The following PTPRT variants were observed in gnomAD, a reference collection of about 807,000 sequenced individuals.
The protein encoded by PTPRT is protein tyrosine phosphatase receptor type T.
PTPRT carries 56 observed loss-of-function variants against 176.8 expected under a neutral mutation model. The observed-to-expected ratio is 0.32, with a 90% CI of 0.26 to 0.40. The LOEUF (loss-of-function observed/expected upper bound fraction) is 0.40, where lower values mean the gene tolerates loss of function less well. PTPRT is among the 10% of genes least tolerant of loss of function. The pLI, the probability that PTPRT is intolerant of heterozygous loss-of-function variation, is 1.00. For missense variants in PTPRT, 1,540 were observed against 1,908.2 expected (o/e 0.81, Z 3.60); for synonymous variants, 783 against 739.0 (o/e 1.06, Z -0.96).
At chr20:42,255,879 C>T (rs557788733) in intron 13 of PTPRT, among the ~76,000 whole-genome samples, 2 of 152,332 alleles carry the variant, frequency 1.3e-5, no homozygotes, top group South Asian at 4.1e-4. Flanking sequence ...GACACTATTC[C>T]TAAAAACTGC....
chr20:43,129,288 G>C (rs140600122), intron 1 of PTPRT, among the ~76,000 whole-genome samples: 5,339 of 152,260 alleles, frequency 0.035, 140 homozygotes, highest in Admixed American at 0.059. Context: ...ACCACCGCCT[G>C]TGATCCTTCA....
intron 8 of PTPRT, among the ~76,000 whole-genome samples, chr20:42,472,030 A>G (rs1205318957): frequency 6.6e-6 from 1 of 152,192 alleles, no homozygotes; most frequent in African/African-American, 2.4e-5. Context: ...TGGGGGTACA[A>G]AAGGGCCAAA....
intron 6 of PTPRT, among the ~76,000 whole-genome samples, chr20:42,709,229 T>A (rs552784193): frequency 1.3e-5 from 2 of 152,324 alleles, no homozygotes; most frequent in South Asian, 4.1e-4. Context: ...TGCTCTATCA[T>A]CTTGCAGTGT....
chr20:43,099,660 G>A (rs1490651054), intron 1 of PTPRT, among the ~76,000 whole-genome samples: 4 of 152,012 alleles, frequency 2.6e-5, no homozygotes, highest in East Asian at 3.9e-4. Flanking sequence ...CAGCACCTCC[G>A]GGTCTCTGCT....
chr20:43,010,665 AC>A (rs1291844794), intron 1 of PTPRT, among the ~76,000 whole-genome samples: 1 of 151,972 alleles, frequency 6.6e-6, no homozygotes, highest in Non-Finnish European at 1.5e-5. Flanking sequence ...TTATCATTGA[AC>A]TTTGTTTTAA....
intron 1 of PTPRT, among the ~76,000 whole-genome samples, chr20:43,107,921 G>A (rs75450613): frequency 0.024 from 3,592 of 152,290 alleles, 157 homozygotes; most frequent in African/African-American, 0.082. Context: ...TTATTCTTCC[G>A]TGTAGGGAAT....
At chr20:43,005,614 G>A (rs1984812441) in intron 1 of PTPRT, among the ~76,000 whole-genome samples, 1 of 152,158 alleles carries the variant, frequency 6.6e-6, no homozygotes, top group Admixed American at 6.5e-5. Flanking sequence ...TATTCACTGT[G>A]TGTCTCCTTC....
chr20:42,590,796 ATAT>A (rs1171296465), intron 7 of PTPRT, among the ~76,000 whole-genome samples: 2 of 152,336 alleles, frequency 1.3e-5, no homozygotes, highest in Middle Eastern at 3.4e-3. Context: ...ACTTAAAAAC[ATAT>A]TATAAAACCT....
chr20:42,591,494 G>T (rs1023639102), intron 7 of PTPRT, among the ~76,000 whole-genome samples: 1 of 152,120 alleles, frequency 6.6e-6, no homozygotes, highest in African/African-American at 2.4e-5. Flanking sequence ...GTTTAATCTT[G>T]ACTCAGTTAT....
chr20:42,129,272 T>C (rs1207707158), intron 18 of PTPRT, among the ~76,000 whole-genome samples: 2 of 152,224 alleles, frequency 1.3e-5, no homozygotes, highest in African/African-American at 4.8e-5. Context: ...TTGCTTTTCA[T>C]TTGCCCCTTG....
chr20:42,849,431 T>G (rs1299779787), intron 2 of PTPRT, among the ~76,000 whole-genome samples: 1 of 152,228 alleles, frequency 6.6e-6, no homozygotes, highest in Non-Finnish European at 1.5e-5. Context: ...GTCAGGCATG[T>G]ACTGCTTCTG....
intron 12 of PTPRT, among the ~76,000 whole-genome samples, chr20:42,302,115 G>A (rs1171018627): frequency 1.3e-5 from 2 of 152,060 alleles, no homozygotes; most frequent in African/African-American, 4.8e-5. Context: ...TCTGTAGAAT[G>A]GGAGCAATAC....
At chr20:43,029,338 C>T (rs574922372) in intron 1 of PTPRT, among the ~76,000 whole-genome samples, 23 of 152,310 alleles carry the variant, frequency 1.5e-4, no homozygotes, top group African/African-American at 5.3e-4. Flanking sequence ...GTCATGCACA[C>T]AGGCCACCCA....
intron 11 of PTPRT, among the ~76,000 whole-genome samples, chr20:42,319,715 A>C (rs923370190): frequency 6.6e-6 from 1 of 152,216 alleles, no homozygotes; most frequent in Non-Finnish European, 1.5e-5. Flanking sequence ...GGGGGAAAGA[A>C]ACAAGAAATT....
At chr20:42,202,337 C>A (rs1191708043) in intron 15 of PTPRT, among the ~76,000 whole-genome samples, 1 of 152,040 alleles carries the variant, frequency 6.6e-6, no homozygotes, top group Admixed American at 6.6e-5. Flanking sequence ...AAATGGAATT[C>A]TTTATTCACT....
intron 16 of PTPRT, among the ~76,000 whole-genome samples, chr20:42,166,258 C>T (rs747992665): frequency 3.3e-5 from 5 of 152,180 alleles, no homozygotes; most frequent in Non-Finnish European, 5.9e-5. Flanking sequence ...TAAAACAGCT[C>T]TCACCCAGCA....
In PTPRT at chr20:42,871,663, G is replaced by A. The variant is rs75621482; in HGVS notation, c.214+14144C>T. Among the ~76,000 whole-genome samples, 39 of 128,978 alleles carry A rather than the reference G, an allele frequency of 3.0e-4. No homozygotes were observed. In the East Asian group the frequency reaches 7.0e-3, roughly 23 times the overall value. The allele number at this position is 128,978 out of a possible 152,430, so 84.6% of individuals were successfully genotyped here. On this transcript the variant is annotated intron_variant, in intron 2 of 30. Coordinates refer to ENST00000373187, the MANE Select transcript of PTPRT (RefSeq NM_007050.6). ...TTTTGAATTAATTTTTGTGTATGGT[G>A]TAAGTTAAGGATCTGCTACATGTGG... is the stretch of plus-strand genomic sequence containing the variant.
rs1017853859 is a variant in PTPRT at position 42,311,398 on chromosome 20, C to T, written c.2139+4325G>A. ...TGTTAACCTGACAAACCATCCTTAA[C>T]ATCCATAGAACAAAGATGTCCAGAC... On this transcript the variant is annotated intron_variant, in intron 12 of 30. Transcript: ENST00000373187. Among the ~76,000 whole-genome samples, 4 of 152,268 alleles carry T rather than the reference C, an allele frequency of 2.6e-5. No individual in the cohort carries two copies. In the East Asian group the frequency reaches 7.7e-4, roughly 29 times the overall value.
intron 7 of PTPRT, among the ~76,000 whole-genome samples, chr20:42,598,367 G>T (rs1285183838): frequency 6.6e-6 from 1 of 152,092 alleles, no homozygotes; most frequent in Admixed American, 6.5e-5. Context: ...TTTTGAAATA[G>T]CTGTGTATTC....
Sources: allele counts gnomAD v4.1 joint callset (sites outside exome capture counted in the v4.1 genomes callset), GRCh38; gene constraint gnomAD v4.1.1; transcripts MANE v1.5; gene names NCBI Gene and HGNC (gene_info 2026-07-23, HGNC 2026-07-21).